Variants in SORCS2 observed in about 807,000 individuals in gnomAD.
The protein encoded by SORCS2 is VPS10 domain-containing receptor SorCS2.
Under a neutral mutation model 141.6 loss-of-function variants are expected in SORCS2, and 100 were observed. The observed-to-expected ratio is 0.71, with a 90% CI of 0.60 to 0.83. The LOEUF is 0.83. SORCS2 is among the 40% of genes least tolerant of loss of function. SORCS2 has a pLI of 0.00. For synonymous variants in SORCS2, 789 were observed against 676.9 expected, an observed-to-expected ratio of 1.17 and a Z score of -2.57; for missense variants, 1,646 against 1,560.2, an observed-to-expected ratio of 1.05 and a Z score of -0.93.
At chr4:7,512,620 C>T (rs1476561179) in intron 2 of SORCS2, among the ~76,000 whole-genome samples, 3 of 152,090 alleles carry the variant, frequency 2.0e-5, no homozygotes, top group Non-Finnish European at 4.4e-5. Flanking sequence ...TTCCCTCTGG[C>T]TTTCAACAGG....
At chr4:7,495,040 A>T (rs1255217470) in intron 2 of SORCS2, among the ~76,000 whole-genome samples, 1 of 152,240 alleles carries the variant, frequency 6.6e-6, no homozygotes, top group Non-Finnish European at 1.5e-5. Context: ...ACAGCTGAAG[A>T]AACAGAGAGG....
At chr4:7,438,365 A>T (rs962767419) in intron 2 of SORCS2, among the ~76,000 whole-genome samples, 8 of 152,232 alleles carry the variant, frequency 5.3e-5, no homozygotes, top group Non-Finnish European at 4.4e-5. Flanking sequence ...ATTTATCAGC[A>T]TGTGTGATCT....
intron 4 of SORCS2, among the ~76,000 whole-genome samples, chr4:7,649,872 G>T (rs1223702496): frequency 2.0e-5 from 3 of 152,160 alleles, no homozygotes; most frequent in Non-Finnish European, 4.4e-5. Context: ...TCGTCATAAG[G>T]TGGTGCCCGT....
intron 2 of SORCS2, among the ~76,000 whole-genome samples, chr4:7,498,817 G>A (rs1029130509): frequency 6.6e-6 from 1 of 152,214 alleles, no homozygotes; most frequent in Admixed American, 6.5e-5. Context: ...CTCCCTCTGC[G>A]GGTGTCCATG....
At chr4:7,294,313 G>A (rs1478289627) in intron 1 of SORCS2, among the ~76,000 whole-genome samples, 1 of 152,186 alleles carries the variant, frequency 6.6e-6, no homozygotes, top group Non-Finnish European at 1.5e-5. Context: ...TTGGGGGACA[G>A]ATGTGAGAAC....
At chr4:7,657,901 A>T (rs952445054) in intron 5 of SORCS2, among the ~76,000 whole-genome samples, 2 of 151,786 alleles carry the variant, frequency 1.3e-5, no homozygotes, top group Non-Finnish European at 2.9e-5. Context: ...TGAGTGAGTG[A>T]ATGAGTGAGT....
chr4:7,229,217 C>T (rs947952844), intron 1 of SORCS2, among the ~76,000 whole-genome samples: 5 of 152,154 alleles, frequency 3.3e-5, no homozygotes, highest in Admixed American at 3.3e-4. Flanking sequence ...TCTCTGCATA[C>T]CCTGTTTCCT....
chr4:7,444,648 G>A (rs1003712304), intron 2 of SORCS2, among the ~76,000 whole-genome samples: 5 of 152,186 alleles, frequency 3.3e-5, no homozygotes, highest in Non-Finnish European at 7.3e-5. Flanking sequence ...CCATAGCAGG[G>A]TTTTGAGCAG....
At chr4:7,612,468 G>A (rs1718472677) in intron 3 of SORCS2, among the ~76,000 whole-genome samples, 1 of 152,160 alleles carries the variant, frequency 6.6e-6, no homozygotes, top group Non-Finnish European at 1.5e-5. Flanking sequence ...CTTAAGGACA[G>A]GCCTCTGCCT....
At chr4:7,534,484 T>C (rs994656969) in intron 3 of SORCS2, among the ~76,000 whole-genome samples, 3 of 152,238 alleles carry the variant, frequency 2.0e-5, no homozygotes, top group African/African-American at 7.2e-5. Context: ...TCCCGACCCC[T>C]GGAACGTGTG....
At position 7,718,265 on chromosome 4, in the gene SORCS2, G is replaced by C. The variant is rs79388067; in HGVS notation, c.2424+82G>C. 973 of 1,501,222 alleles carry C rather than the reference G, an allele frequency of 6.5e-4. 2 individuals carry two copies. The African/African-American group carries it at 0.012, about 18-fold the overall frequency. The allele number at this position is 1,501,222 out of a possible 1,614,324, so 93.0% of individuals were successfully genotyped here. ...TGGGCACGCAGAAGGCACGGTGAGG[G>C]TGTCTCCTCCACCTAGAAGTGGCTC... On this transcript the variant is annotated intron_variant, in intron 18 of 26. Transcript: ENST00000507866.
At chr4:7,720,508 G>A (rs186573344) in intron 18 of SORCS2, among the ~76,000 whole-genome samples, 388 of 152,290 alleles carry the variant, frequency 2.5e-3, no homozygotes, top group Non-Finnish European at 4.1e-3. Flanking sequence ...GATAAATTGG[G>A]CTTCATCAGG....
At chr4:7,425,252 C>T (rs1339461803) in intron 2 of SORCS2, among the ~76,000 whole-genome samples, 1 of 152,234 alleles carries the variant, frequency 6.6e-6, no homozygotes, top group East Asian at 1.9e-4. Flanking sequence ...TGACCTTCGG[C>T]TCCAGAGACC....
At chr4:7,718,611 T>C (rs1024120143) in intron 18 of SORCS2, among the ~76,000 whole-genome samples, 6 of 152,240 alleles carry the variant, frequency 3.9e-5, no homozygotes, top group African/African-American at 9.6e-5. Context: ...CTATTACTTA[T>C]AATTACACAA....
intron 3 of SORCS2, among the ~76,000 whole-genome samples, chr4:7,559,110 G>A (rs1252840845): frequency 6.6e-6 from 1 of 152,128 alleles, no homozygotes; most frequent in Non-Finnish European, 1.5e-5. Context: ...CACTTTCCCG[G>A]GGAGGGGTTC....
At chr4:7,608,797 T>TC (rs140319438) in intron 3 of SORCS2, among the ~76,000 whole-genome samples, 37,507 of 151,886 alleles carry the variant, frequency 0.25, 5,348 homozygotes, top group Middle Eastern at 0.33. Context: ...TGTCTGTGGC[T>TC]CAGCATTTGC....
intron 2 of SORCS2, among the ~76,000 whole-genome samples, chr4:7,399,040 G>A (rs1017120714): frequency 2.0e-5 from 3 of 151,382 alleles, no homozygotes; most frequent in Non-Finnish European, 4.4e-5. Context: ...GAAGGGGACG[G>A]CATCATTGCT....
At chr4:7,732,956 C>G (rs1203148540) in intron 23 of SORCS2, among the ~76,000 whole-genome samples, 2 of 151,896 alleles carry the variant, frequency 1.3e-5, no homozygotes, top group Non-Finnish European at 2.9e-5. Flanking sequence ...ACCCAGCTCT[C>G]CCATCCCCCT....
chr4:7,239,945 G>C (rs1353780307), intron 1 of SORCS2, among the ~76,000 whole-genome samples: 1 of 152,232 alleles, frequency 6.6e-6, no homozygotes, highest in Admixed American at 6.5e-5. Context: ...TGTGCCGTCT[G>C]TTTGGCGAGC....
Sources: allele counts gnomAD v4.1 joint callset (sites outside exome capture counted in the v4.1 genomes callset), GRCh38; gene constraint gnomAD v4.1.1; transcripts MANE v1.5; gene names NCBI Gene and HGNC (gene_info 2026-07-23, HGNC 2026-07-21).